The following TRIM14 variants were observed in gnomAD, a reference collection of about 807,000 sequenced individuals.
The protein encoded by TRIM14 is tripartite motif containing 14.
In TRIM14, 28 loss-of-function variants were observed where a neutral mutation model predicts 44.5. The observed-to-expected ratio is 0.63, with a 90% confidence interval of 0.47 to 0.86. TRIM14 has a LOEUF of 0.86. Ranked by LOEUF, TRIM14 falls within the 40% of genes least tolerant of loss-of-function variation. The pLI, the probability that TRIM14 is intolerant of heterozygous loss-of-function variation, is 0.00. For missense variants in TRIM14, 607 were observed against 611.1 expected (o/e 0.99, Z 0.07); for synonymous variants, 299 against 269.2 (o/e 1.11, Z -1.08).
chr9:98,047,816 A>G, the TRIM14 span, among the ~76,000 whole-genome samples: 5 of 152,044 alleles, frequency 3.3e-5, no homozygotes, highest in Non-Finnish European at 7.3e-5. Context: ...CTGTAATCCC[A>G]GCACTTTGAG....
At chr9:98,083,169 C>A, downstream of TRIM14, 2 of 954,874 alleles carry the variant, frequency 2.1e-6, no homozygotes, top group Non-Finnish European at 1.6e-6. Flanking sequence ...CATCCACCTC[C>A]ACCTGCTCCT....
At chr9:98,115,292 C>T (rs1240452837) in intron 1 of TRIM14, among the ~76,000 whole-genome samples, 1 of 152,084 alleles carries the variant, frequency 6.6e-6, no homozygotes, top group African/African-American at 2.4e-5. Flanking sequence ...CTCTGTTGCC[C>T]AGGCTGGAGT....
the TRIM14 span, among the ~76,000 whole-genome samples, chr9:98,039,829 G>A: frequency 2.1e-4 from 32 of 152,192 alleles, no homozygotes; most frequent in African/African-American, 6.3e-4. Context: ...CTCCCTGAAT[G>A]CTCAGGGAGA....
intron 5 of TRIM14, among the ~76,000 whole-genome samples, chr9:98,088,921 TG>T (rs1648616991): frequency 6.6e-6 from 1 of 150,674 alleles, no homozygotes; most frequent in Admixed American, 6.6e-5. Context: ...TTTTTTTTGT[TG>T]TTGTTGTTGT....
chr9:98,079,050 C>T (rs1346307347), intron 6 of TRIM14, among the ~76,000 whole-genome samples: 2 of 152,098 alleles, frequency 1.3e-5, no homozygotes, highest in Admixed American at 6.6e-5. Flanking sequence ...CCCTGAGGCT[C>T]ATACTAGTTA....
At chr9:98,073,974 CG>C (rs2117887946) in intron 6 of TRIM14, among the ~76,000 whole-genome samples, 1 of 151,878 alleles carries the variant, frequency 6.6e-6, no homozygotes, top group East Asian at 2.0e-4. Context: ...TTTGTAGAAA[CG>C]GGATTTCGCC....
At chr9:98,078,409 T>C in intron 6 of TRIM14, 1 of 1,545,196 alleles carries the variant, frequency 6.5e-7, no homozygotes, top group South Asian at 1.2e-5. Context: ...CGTAGTCTTT[T>C]TTATAACCAA....
At chr9:98,038,394 G>C in the TRIM14 span, among the ~76,000 whole-genome samples, 1 of 151,958 alleles carries the variant, frequency 6.6e-6, no homozygotes, top group Non-Finnish European at 1.5e-5. Flanking sequence ...TCAGCCATTT[G>C]GACAGATTGA....
intron 1 of TRIM14, 121 bp downstream of exon 1, chr9:98,118,861 C>G (rs1336892490): frequency 2.3e-5 from 28 of 1,205,492 alleles, no homozygotes; most frequent in Non-Finnish European, 2.6e-5. Context: ...TCTGGGGCAC[C>G]TTTGGTTTCC....
chr9:98,092,614 C>A, intron 4 of TRIM14: 1 of 221,888 alleles, frequency 4.5e-6, no homozygotes, highest in Non-Finnish European at 9.8e-6. Context: ...AAAGCTCCTC[C>A]TTACATCTTT....
At chr9:98,073,764 C>A (rs1378826972) in intron 6 of TRIM14, among the ~76,000 whole-genome samples, 1 of 151,856 alleles carries the variant, frequency 6.6e-6, no homozygotes, top group Admixed American at 6.6e-5. Flanking sequence ...GTGTTGTCCA[C>A]CCTCATTCAT....
At chr9:98,055,283 T>A in the TRIM14 span, among the ~76,000 whole-genome samples, 1 of 152,128 alleles carries the variant, frequency 6.6e-6, no homozygotes, top group South Asian at 2.1e-4. Context: ...CCTCCCAAAG[T>A]GCTAGGATTA....
intron 6 of TRIM14, chr9:98,076,203 A>G (rs1829584303): frequency 6.6e-6 from 1 of 152,196 alleles, no homozygotes; most frequent in Non-Finnish European, 1.5e-5. Context: ...GAATTGAAAT[A>G]GCCCCTTTTC....
downstream of TRIM14, chr9:98,082,880 C>T (rs754105305): frequency 6.5e-5 from 105 of 1,613,878 alleles, no homozygotes; most frequent in Middle Eastern, 4.9e-4. Flanking sequence ...GTGAAAATTC[C>T]GGAAGGCACC....
the TRIM14 span, chr9:98,056,596 C>T: frequency 3.1e-6 from 2 of 645,264 alleles, no homozygotes; most frequent in Non-Finnish European, 4.9e-6. Context: ...GCCCCGCCGC[C>T]CTTCCCGCGG....
intron 5 of TRIM14, among the ~76,000 whole-genome samples, chr9:98,088,817 T>C (rs1258012520): frequency 6.6e-6 from 1 of 152,252 alleles, no homozygotes; most frequent in Non-Finnish European, 1.5e-5. Context: ...AGGTCTTTGA[T>C]ACATATTGCA....
chr9:98,048,740 TA>T, the TRIM14 span, among the ~76,000 whole-genome samples: 2 of 152,124 alleles, frequency 1.3e-5, no homozygotes, highest in Non-Finnish European at 2.9e-5. Context: ...AGTAAAGGAA[TA>T]GGCTGGGCAT....
At chr9:98,073,011 G>C (rs924829761) in intron 6 of TRIM14, among the ~76,000 whole-genome samples, 1 of 152,146 alleles carries the variant, frequency 6.6e-6, no homozygotes, top group Non-Finnish European at 1.5e-5. Flanking sequence ...GAACTCAGGT[G>C]AAACAGCAGA....
At chr9:98,078,413 T>G in intron 6 of TRIM14, 3 of 1,535,256 alleles carry the variant, frequency 2.0e-6, no homozygotes, top group Non-Finnish European at 2.6e-6. Context: ...GTCTTTTTTA[T>G]AACCAAAATT....
Sources: gnomAD v4.1 joint callset for allele counts (sites outside exome capture counted in the v4.1 genomes callset) on GRCh38, gnomAD v4.1.1 for gene constraint, MANE v1.5 for transcripts, NCBI Gene and HGNC (gene_info 2026-07-23, HGNC 2026-07-21) for gene names.